TRAPPC9: variants seen among roughly 807,000 people sequenced by gnomAD.
TRAPPC9 encodes the protein trafficking protein particle complex subunit 9, also known as IKK2 binding protein.
A neutral mutation model predicts 124.0 loss-of-function variants in TRAPPC9; 83 were observed. The observed-to-expected ratio is 0.67, with a 90% confidence interval of 0.56 to 0.80. TRAPPC9 has a LOEUF of 0.80. Ranked by LOEUF, TRAPPC9 falls within the 30% of genes least tolerant of loss-of-function variation. The pLI is 0.00. For missense variants in TRAPPC9, 1,302 were observed against 1,508.3 expected, an observed-to-expected ratio of 0.86 and a Z score of 2.27; for synonymous variants, 638 against 617.5, an observed-to-expected ratio of 1.03 and a Z score of -0.49.
intron 3 of TRAPPC9, 106 bp from the exon 4 acceptor site, chr8:140,435,346 CAAT>C: frequency 7.1e-7 from 1 of 1,413,512 alleles, no homozygotes; most frequent in Non-Finnish European, 9.8e-7. Flanking sequence ...CAGTAACTAA[CAAT>C]GATTTAAACA....
At chr8:140,405,725 T>C (rs748478963) in intron 5 of TRAPPC9, 27 bp from the exon 6 acceptor site, 66 of 1,613,700 alleles carry the variant, frequency 4.1e-5, no homozygotes, top group South Asian at 3.4e-4. Context: ...AGAAAAGAAA[T>C]AATCTTTTGC....
chr8:139,997,807 TACACAGGGAGACAATGCATCCC>T (rs1838127150), intron 18 of TRAPPC9, among the ~76,000 whole-genome samples: 8 of 132,688 alleles, frequency 6.0e-5, no homozygotes, highest in African/African-American at 1.8e-4. Flanking sequence ...CAATGCATCC[TACACAGGGAGACAATGCATCCC>T]ACACAGGGAG....
intron 18 of TRAPPC9, among the ~76,000 whole-genome samples, chr8:140,015,993 A>T (rs1839439947): frequency 6.6e-6 from 1 of 152,202 alleles, no homozygotes; most frequent in Non-Finnish European, 1.5e-5. Flanking sequence ...CTCAAAATCC[A>T]GTGGAAGAAC....
intron 20 of TRAPPC9, among the ~76,000 whole-genome samples, chr8:139,898,632 A>G (rs952529383): frequency 2.6e-5 from 4 of 152,012 alleles, no homozygotes; most frequent in African/African-American, 9.7e-5. Flanking sequence ...TACACAGCAC[A>G]CTCAACTCAG....
At chr8:139,784,482 C>A (rs991736256) in intron 21 of TRAPPC9, among the ~76,000 whole-genome samples, 1 of 151,604 alleles carries the variant, frequency 6.6e-6, no homozygotes, top group Non-Finnish European at 1.5e-5. Flanking sequence ...GCTGAGGCAG[C>A]AGAATGGCCT....
chr8:140,207,732 C>T (rs895262006), intron 17 of TRAPPC9, among the ~76,000 whole-genome samples: 2 of 152,200 alleles, frequency 1.3e-5, no homozygotes, highest in Non-Finnish European at 2.9e-5. Context: ...TGTTTTGCTG[C>T]CACGAATCAT....
intron 17 of TRAPPC9, among the ~76,000 whole-genome samples, chr8:140,060,260 C>T (rs1046443636): frequency 2.6e-5 from 4 of 152,164 alleles, no homozygotes; most frequent in South Asian, 2.1e-4. Context: ...CAGAAGGCCT[C>T]GGGTGTCCCA....
intron 17 of TRAPPC9, among the ~76,000 whole-genome samples, chr8:140,170,419 G>T (rs1178902662): frequency 1.3e-5 from 2 of 152,220 alleles, no homozygotes; most frequent in African/African-American, 4.8e-5. Flanking sequence ...AGGAAGCCAG[G>T]TGTGTCTGAT....
chr8:140,118,623 T>C (rs1219723311), intron 17 of TRAPPC9, among the ~76,000 whole-genome samples: 1 of 152,224 alleles, frequency 6.6e-6, no homozygotes, highest in Non-Finnish European at 1.5e-5. Flanking sequence ...GCCAAGAAGA[T>C]GCCTCCACCT....
chr8:140,095,639 C>T (rs1166049477), intron 17 of TRAPPC9: 1 of 152,184 alleles, frequency 6.6e-6, no homozygotes, highest in Non-Finnish European at 1.5e-5. Context: ...CTTTCTCACA[C>T]TCGTGGAGAA....
chr8:139,828,320 A>C (rs968010607), intron 21 of TRAPPC9, among the ~76,000 whole-genome samples: 6 of 152,184 alleles, frequency 3.9e-5, no homozygotes, highest in Non-Finnish European at 8.8e-5. Context: ...TCTACTCTGC[A>C]AGGGTGGCTG....
intron 6 of TRAPPC9, among the ~76,000 whole-genome samples, chr8:140,399,963 C>T (rs901644487): frequency 1.3e-4 from 20 of 152,168 alleles, no homozygotes; most frequent in Non-Finnish European, 2.4e-4. Context: ...CCATACTGTT[C>T]TTGTGGTAGT....
intron 17 of TRAPPC9, among the ~76,000 whole-genome samples, chr8:140,167,678 A>G (rs2061869539): frequency 1.3e-5 from 2 of 152,272 alleles, no homozygotes; most frequent in Admixed American, 1.3e-4. Context: ...GGAAAGCTCA[A>G]GTACGAAGAT....
intron 18 of TRAPPC9, among the ~76,000 whole-genome samples, chr8:140,018,388 A>C (rs1839620700): frequency 7.7e-6 from 1 of 129,360 alleles, no homozygotes; most frequent in South Asian, 2.5e-4. Flanking sequence ...CAGTGGTGTG[A>C]TCTTGGCTCA....
chr8:140,305,388 C>T (rs2066100721), intron 10 of TRAPPC9, among the ~76,000 whole-genome samples: 1 of 152,062 alleles, frequency 6.6e-6, no homozygotes, highest in East Asian at 1.9e-4. Context: ...GCAACCTCCG[C>T]CTCCTGGGTT....
At chr8:139,973,107 C>T (rs965245070) in intron 19 of TRAPPC9, among the ~76,000 whole-genome samples, 2 of 152,228 alleles carry the variant, frequency 1.3e-5, no homozygotes, top group Admixed American at 1.3e-4. Context: ...AATGTTTCTA[C>T]CATAAGAAAA....
At chr8:140,210,373 C>T (rs1188356743) in intron 17 of TRAPPC9, among the ~76,000 whole-genome samples, 7 of 152,182 alleles carry the variant, frequency 4.6e-5, no homozygotes, top group Non-Finnish European at 7.3e-5. Flanking sequence ...GGCGCAGGGC[C>T]CAGCACCAAG....
intron 18 of TRAPPC9, among the ~76,000 whole-genome samples, chr8:139,992,889 T>C (rs1488740657): frequency 6.6e-6 from 1 of 151,980 alleles, no homozygotes; most frequent in Non-Finnish European, 1.5e-5. Flanking sequence ...TCACATCATA[T>C]ATAAAAATAA....
In TRAPPC9 at chr8:140,279,953, C is replaced by T. The variant is rs115908864; in HGVS notation, c.2114+3936G>A. Among the ~76,000 whole-genome samples, 880 of 152,334 alleles carry T rather than the reference C, an allele frequency of 5.8e-3. 12 individuals carry two copies. The highest frequency in any genetic ancestry group is 0.02 in the African/African-American group (823 of 41,570). Reference sequence around the variant, plus strand: ...CGTTTCTTCGCCTTAAGCCACCCCCCGCCCTTTTGCTGGAGCGCTGGCCGG... The same window carrying T: ...CGTTTCTTCGCCTTAAGCCACCCCCTGCCCTTTTGCTGGAGCGCTGGCCGG... On this transcript the variant is annotated intron_variant, in intron 14 of 22. Transcript: ENST00000438773.
Sources: allele counts gnomAD v4.1 joint callset (sites outside exome capture counted in the v4.1 genomes callset), GRCh38; gene constraint gnomAD v4.1.1; transcripts MANE v1.5; gene names NCBI Gene and HGNC (gene_info 2026-07-23, HGNC 2026-07-21).